PIBF1: variants seen among roughly 807,000 people sequenced by gnomAD.
The protein encoded by PIBF1 is progesterone immunomodulatory binding factor 1, also known as progesterone-induced-blocking factor 1.
In PIBF1, 90 loss-of-function variants were observed where a neutral mutation model predicts 112.5. That is an observed-to-expected ratio of 0.80 (90% CI 0.67 to 0.95). The LOEUF is 0.95. Among genes scored for constraint, PIBF1 ranks in the 40% least tolerant of loss-of-function variants. The probability of loss-of-function intolerance (pLI) is 0.00; values close to 1 mark genes in which losing one functional copy is unlikely to be tolerated. For synonymous variants in PIBF1, 301 were observed against 288.6 expected (o/e 1.04, Z -0.44); for missense variants, 915 against 852.3 (o/e 1.07, Z -0.92).
chr13:72,794,592 C>G lies in PIBF1; in HGVS notation c.354-767C>G, dbSNP rs2035096629. On this transcript the variant is annotated intron_variant, in intron 3 of 17. Coordinates refer to ENST00000326291, the MANE Select transcript of PIBF1 (RefSeq NM_006346.4). ...TGGAGGTGGTCTTTCCCATGCTGTTCTCATGATAGTGAATAAGTCTCACAA... is the reference window on the plus strand; with the variant it reads ...TGGAGGTGGTCTTTCCCATGCTGTTGTCATGATAGTGAATAAGTCTCACAA... 2.0e-5 allele frequency among the ~76,000 whole-genome samples: 3 copies of G among 152,132 alleles called. No individual in the cohort carries two copies. The South Asian group carries it at 6.2e-4, about 32-fold the overall frequency.
rs191551336 is a variant in PIBF1, at chr13:72,860,479, A to G, written c.1322+6324A>G. On this transcript the variant is annotated intron_variant, in intron 10 of 17. Transcript: ENST00000326291. ...TTTGTATATAGTGAAGCTTAAGGAA[A>G]AATATTTTATTCTTCAGAGGTTAAA... 7.6e-3 allele frequency among the ~76,000 whole-genome samples: 1,157 copies of G among 152,182 alleles called. 14 individuals carry two copies. The highest frequency in any genetic ancestry group is 0.014 in the Middle Eastern group (4 of 294).
chr13:72,783,244 A>G (rs1420812147), intron 1 of PIBF1, among the ~76,000 whole-genome samples, 179 bp from the exon 2 acceptor site: 4 of 152,026 alleles, frequency 2.6e-5, no homozygotes, highest in Admixed American at 2.6e-4. Context: ...CTGACTTCAT[A>G]TTAGGAATTA....
chr13:72,903,805 G>A lies in PIBF1; in HGVS notation c.1489-4726G>A, dbSNP rs944025936. 2.0e-5 allele frequency among the ~76,000 whole-genome samples: 3 copies of A among 152,162 alleles called. 1 individual carries two copies. The highest frequency in any genetic ancestry group is 2.0e-4 in the Admixed American group (3 of 15,276). On this transcript the variant is annotated intron_variant, in intron 11 of 17. Coordinates refer to ENST00000326291, the MANE Select transcript of PIBF1 (RefSeq NM_006346.4). ...GAATTTCTTCTGGCAGTATTGGGTA[G>A]GGATTGGCCTGTGGGCTTTAGGCTC... is the stretch of plus-strand genomic sequence containing the variant.
intron 10 of PIBF1, among the ~76,000 whole-genome samples, chr13:72,871,301 G>C (rs1003363956): frequency 6.6e-6 from 1 of 151,954 alleles, no homozygotes; most frequent in African/African-American, 2.4e-5. Flanking sequence ...CTGTCTCTCT[G>C]TCTCTCTTTC....
At chr13:72,949,294 A>G (rs1449568182) in intron 14 of PIBF1, among the ~76,000 whole-genome samples, 2 of 134,760 alleles carry the variant, frequency 1.5e-5, no homozygotes, top group East Asian at 2.1e-4. Context: ...CTAGACAAAT[A>G]GCTGTCTTTT....
At chr13:72,855,392 A>G (rs1004597046) in intron 10 of PIBF1, among the ~76,000 whole-genome samples, 3 of 152,124 alleles carry the variant, frequency 2.0e-5, no homozygotes, top group Admixed American at 2.0e-4. Context: ...ATATCATGCT[A>G]TCGGGCTAGG....
At chr13:72,822,965 C>T (rs935479973) in intron 6 of PIBF1, among the ~76,000 whole-genome samples, 5 of 152,180 alleles carry the variant, frequency 3.3e-5, no homozygotes, top group African/African-American at 4.8e-5. Flanking sequence ...CATAGTGGCA[C>T]ATGCCTTTAG....
chr13:72,782,896 GTGTGTGTGTGTT>G (rs1360781153), intron 1 of PIBF1, among the ~76,000 whole-genome samples: 2 of 143,142 alleles, frequency 1.4e-5, no homozygotes, highest in Non-Finnish European at 3.1e-5. Context: ...GTGTGTGTGT[GTGTGTGTGTGTT>G]TGTGTTTGTG....
At chr13:72,902,957 A>G (rs1369666059) in intron 11 of PIBF1, among the ~76,000 whole-genome samples, 4 of 151,166 alleles carry the variant, frequency 2.6e-5, no homozygotes, top group Admixed American at 2.6e-4. Flanking sequence ...ATGCAGTGTC[A>G]CAATCTCGGC....
At chr13:73,010,541 T>C (rs1272815245) in intron 17 of PIBF1, among the ~76,000 whole-genome samples, 3 of 152,002 alleles carry the variant, frequency 2.0e-5, no homozygotes, top group African/African-American at 7.3e-5. Flanking sequence ...AGGCGGAGGT[T>C]GCAGTGGGCC....
intron 17 of PIBF1, among the ~76,000 whole-genome samples, chr13:73,007,548 G>A (rs548170825): frequency 4.9e-4 from 74 of 152,230 alleles, no homozygotes; most frequent in Non-Finnish European, 9.0e-4. Flanking sequence ...AGTGGCTCAC[G>A]CCTGTAATCC....
chr13:72,842,925 G>A (rs767808232), intron 9 of PIBF1, among the ~76,000 whole-genome samples: 16 of 152,126 alleles, frequency 1.1e-4, no homozygotes, highest in Non-Finnish European at 2.1e-4. Context: ...TTTACAACGT[G>A]TGTTCACTGC....
At chr13:72,819,881 T>G (rs1370652842) in intron 5 of PIBF1, among the ~76,000 whole-genome samples, 1 of 152,130 alleles carries the variant, frequency 6.6e-6, no homozygotes, top group Non-Finnish European at 1.5e-5. Context: ...CTGTTTTTCC[T>G]GACACACACC....
At chr13:72,982,185 C>T (rs149346846) in intron 16 of PIBF1, among the ~76,000 whole-genome samples, 380 of 152,206 alleles carry the variant, frequency 2.5e-3, no homozygotes, top group African/African-American at 9.0e-3. Context: ...CCTACCTGTA[C>T]CCAGCACTTA....
intron 14 of PIBF1, among the ~76,000 whole-genome samples, chr13:72,942,375 ATTTTAGACATACTTTC>A (rs1049590881): frequency 6.6e-6 from 1 of 150,574 alleles, no homozygotes; most frequent in African/African-American, 2.4e-5. Flanking sequence ...AATTTTTTTC[ATTTTAGACATACTTTC>A]TTTTAGACTT....
chr13:72,993,792 A>G (rs1397640576), intron 16 of PIBF1, among the ~76,000 whole-genome samples: 1 of 152,056 alleles, frequency 6.6e-6, no homozygotes, highest in African/African-American at 2.4e-5. Context: ...GTTTTCAGAA[A>G]TTTGATTTTA....
rs900281137 is a variant in PIBF1 at position 73,004,367 on chromosome 13, C to T, written c.2223+5372C>T. ...TTAGCCAGGTGTGGTGGCAGGCACC[C>T]GTAATCCCAGCTACTCAGGAGGCTG... is the stretch of plus-strand genomic sequence containing the variant. On this transcript the variant is annotated intron_variant, in intron 17 of 17. Transcript: ENST00000326291. 4.6e-5 allele frequency among the ~76,000 whole-genome samples: 7 copies of T among 151,714 alleles called. No homozygotes were observed. The South Asian group carries it at 8.3e-4, about 18-fold the overall frequency.
intron 9 of PIBF1, among the ~76,000 whole-genome samples, chr13:72,851,240 C>T (rs1274916360): frequency 2.0e-5 from 3 of 152,228 alleles, no homozygotes; most frequent in Non-Finnish European, 4.4e-5. Flanking sequence ...GGCCCAGTCG[C>T]AGCTGCGGAC....
chr13:72,967,700 G>C lies in PIBF1; in HGVS notation c.1964+2296G>C, dbSNP rs79175376. Among the ~76,000 whole-genome samples the C allele has an allele frequency of 7.0e-3, 1,067 of 152,154 alleles. 15 individuals carry two copies. Among genetic ancestry groups the C allele is most frequent in the African/African-American group, 0.025 (1,029 of 41,500 alleles). ...TAATGAGTTGATCGTTGTTGAAGCG[G>C]GGTGATAGATATATCAGGGTTTGCT... On this transcript the variant is annotated intron_variant, in intron 15 of 17. Transcript: ENST00000326291.
Sources: allele counts gnomAD v4.1 joint callset (sites outside exome capture counted in the v4.1 genomes callset), GRCh38; gene constraint gnomAD v4.1.1; transcripts MANE v1.5; gene names NCBI Gene and HGNC (gene_info 2026-07-23, HGNC 2026-07-21).